Variants in NKAIN2 observed in about 807,000 individuals in gnomAD.
NKAIN2 encodes sodium/potassium-transporting ATPase subunit beta-1-interacting protein 2.
Under a neutral mutation model 32.6 loss-of-function variants are expected in NKAIN2, and 14 were observed. The ratio of observed to expected loss-of-function variants is 0.43; its 90% CI spans 0.28 to 0.67. The LOEUF is 0.67. Ranked by LOEUF, NKAIN2 falls within the 30% of genes least tolerant of loss-of-function variation. NKAIN2 has a pLI of 0.17. For missense variants in NKAIN2, 198 were observed against 258.3 expected (o/e 0.77, Z 1.60); for synonymous variants, 80 against 87.2 (o/e 0.92, Z 0.46).
intron 1 of NKAIN2, among the ~76,000 whole-genome samples, chr6:124,091,996 A>G (rs1784446536): frequency 6.6e-6 from 1 of 152,066 alleles, no homozygotes; most frequent in African/African-American, 2.4e-5. Flanking sequence ...TAGTTTTGCC[A>G]ACACTTATGT....
intron 3 of NKAIN2, among the ~76,000 whole-genome samples, chr6:124,517,927 T>G (rs1393516110): frequency 6.6e-6 from 1 of 152,162 alleles, no homozygotes; most frequent in Non-Finnish European, 1.5e-5. Flanking sequence ...TTGAAGTAAT[T>G]TAAACCTTCA....
intron 1 of NKAIN2, among the ~76,000 whole-genome samples, chr6:123,978,834 A>G (rs905647847): frequency 5.3e-5 from 8 of 152,194 alleles, no homozygotes; most frequent in African/African-American, 1.9e-4. Flanking sequence ...CAGGCGAATT[A>G]GCTTCATGGT....
chr6:124,110,038 T>C (rs1302980617), intron 1 of NKAIN2, among the ~76,000 whole-genome samples: 1 of 152,032 alleles, frequency 6.6e-6, no homozygotes, highest in African/African-American at 2.4e-5. Flanking sequence ...ATATCCATCA[T>C]AGATATTGGT....
intron 3 of NKAIN2, among the ~76,000 whole-genome samples, chr6:124,453,135 G>A (rs917473939): frequency 1.3e-5 from 2 of 151,878 alleles, no homozygotes; most frequent in Admixed American, 6.6e-5. Context: ...TGATGGATGT[G>A]GTCTGACTTC....
At chr6:124,481,188 T>TGC (rs765934607) in intron 3 of NKAIN2, among the ~76,000 whole-genome samples, 1 of 144,842 alleles carries the variant, frequency 6.9e-6, no homozygotes, top group Non-Finnish European at 1.5e-5. Flanking sequence ...TTTTTTTTTT[T>TGC]CACAGTGGAA....
intron 1 of NKAIN2, among the ~76,000 whole-genome samples, chr6:124,103,485 G>A (rs1022920704): frequency 9.9e-5 from 15 of 152,110 alleles, no homozygotes; most frequent in African/African-American, 3.6e-4. Flanking sequence ...AGTATCTTTA[G>A]TGCTATAACC....
At chr6:124,162,254 G>C (rs1321329593) in intron 1 of NKAIN2, among the ~76,000 whole-genome samples, 1 of 152,044 alleles carries the variant, frequency 6.6e-6, no homozygotes, top group Non-Finnish European at 1.5e-5. Flanking sequence ...AACACACATA[G>C]TATGCGCTCC....
chr6:124,105,477 G>A (rs1456601602), intron 1 of NKAIN2, among the ~76,000 whole-genome samples: 1 of 152,142 alleles, frequency 6.6e-6, no homozygotes, highest in Non-Finnish European at 1.5e-5. Flanking sequence ...GTGTCTGGGA[G>A]AGAATGATCA....
At chr6:123,840,152 T>A (rs1290313095) in intron 1 of NKAIN2, among the ~76,000 whole-genome samples, 1 of 152,090 alleles carries the variant, frequency 6.6e-6, no homozygotes, top group Non-Finnish European at 1.5e-5. Flanking sequence ...GACAAATGCT[T>A]TATGTTTATG....
intron 3 of NKAIN2, among the ~76,000 whole-genome samples, chr6:124,635,322 T>C (rs1783735088): frequency 6.6e-6 from 1 of 151,646 alleles, no homozygotes; most frequent in South Asian, 2.1e-4. Context: ...AGAACAGATA[T>C]ACAAATAAGA....
chr6:124,726,375 T>G (rs1460925229), intron 4 of NKAIN2, among the ~76,000 whole-genome samples: 1 of 151,190 alleles, frequency 6.6e-6, no homozygotes. Context: ...ACGGGCAGAC[T>G]GCCTCCTCAA....
chr6:124,410,841 G>A (rs965590899), intron 3 of NKAIN2, among the ~76,000 whole-genome samples: 2 of 152,128 alleles, frequency 1.3e-5, no homozygotes, highest in South Asian at 2.1e-4. Context: ...TTTCTTTGTA[G>A]TCACTCGGGG....
chr6:124,658,673 C>A, intron 4 of NKAIN2: 1 of 653,116 alleles, frequency 1.5e-6, no homozygotes, highest in African/African-American at 1.8e-5. Flanking sequence ...TAGACTTTTC[C>A]AAGGATTCTG....
chr6:124,471,746 G>A (rs1776982562), intron 3 of NKAIN2, among the ~76,000 whole-genome samples: 1 of 152,018 alleles, frequency 6.6e-6, no homozygotes, highest in Admixed American at 6.6e-5. Context: ...TTTTAATTAA[G>A]TACATTTAGA....
At chr6:124,288,716 T>C (rs567443525) in intron 2 of NKAIN2, among the ~76,000 whole-genome samples, 1 of 152,258 alleles carries the variant, frequency 6.6e-6, no homozygotes, top group East Asian at 1.9e-4. Context: ...ATATGTTAAA[T>C]AAGGACAAAT....
chr6:124,029,560 A>G (rs1413761228), intron 1 of NKAIN2, among the ~76,000 whole-genome samples: 1 of 152,178 alleles, frequency 6.6e-6, no homozygotes, highest in African/African-American at 2.4e-5. Context: ...GCCAGCCTTT[A>G]AGTTTATTAC....
intron 3 of NKAIN2, among the ~76,000 whole-genome samples, chr6:124,532,158 G>A (rs1779549338): frequency 6.6e-6 from 1 of 152,128 alleles, no homozygotes; most frequent in African/African-American, 2.4e-5. Flanking sequence ...AACAAGCCGT[G>A]GAAGAAGGTG....
chr6:124,499,064 G>A (rs770535370), intron 3 of NKAIN2, among the ~76,000 whole-genome samples: 19 of 152,054 alleles, frequency 1.2e-4, no homozygotes, highest in Admixed American at 2.0e-4. Context: ...CACCTTATCC[G>A]GCCAATGTAC....
chr6:124,484,334 A>G (rs1777569924), intron 3 of NKAIN2, among the ~76,000 whole-genome samples: 1 of 152,176 alleles, frequency 6.6e-6, no homozygotes, highest in Admixed American at 6.5e-5. Context: ...TTGAAGATTC[A>G]TCTATGCAAT....
Sources: allele counts gnomAD v4.1 joint callset (sites outside exome capture counted in the v4.1 genomes callset), GRCh38; gene constraint gnomAD v4.1.1; transcripts MANE v1.5; gene names NCBI Gene and HGNC (gene_info 2026-07-23, HGNC 2026-07-21).